RNF111: variants seen among roughly 807,000 people sequenced by gnomAD.
RNF111 encodes the protein E3 ubiquitin-protein ligase Arkadia.
RNF111 carries 17 observed loss-of-function variants against 95.1 expected under a neutral mutation model. The ratio of observed to expected loss-of-function variants is 0.18; its 90% confidence interval spans 0.12 to 0.27. The LOEUF is 0.27. Among genes scored for constraint, RNF111 ranks in the 10% least tolerant of loss-of-function variants. The pLI is 1.00. For synonymous variants in RNF111, 440 were observed against 414.8 expected, an observed-to-expected ratio of 1.06 and a Z score of -0.74; for missense variants, 1,189 against 1,210.4, an observed-to-expected ratio of 0.98 and a Z score of 0.26.
chr15:59,059,622 G>A (rs6494066), intron 5 of RNF111, among the ~76,000 whole-genome samples: 16,134 of 152,120 alleles, frequency 0.11, 1,983 homozygotes, highest in African/African-American at 0.3. Flanking sequence ...CTAAGAAACC[G>A]TTGCCTAATC....
At chr15:59,078,430 C>G (rs12901282) in intron 7 of RNF111, among the ~76,000 whole-genome samples, 1 of 151,886 alleles carries the variant, frequency 6.6e-6, no homozygotes, top group African/African-American at 2.4e-5. Context: ...AGTTCCTGCT[C>G]TTCAGGAGGC....
intron 1 of RNF111, among the ~76,000 whole-genome samples, chr15:58,994,406 T>C (rs1369819448): frequency 6.6e-6 from 1 of 151,940 alleles, no homozygotes; most frequent in African/African-American, 2.4e-5. Context: ...CTGAGAACTC[T>C]TGAATACTCA....
Position 58,996,838 on chromosome 15 carries a change from C to T in RNF111, c.-20+8770C>T, listed in dbSNP as rs368624610. Among the ~76,000 whole-genome samples, 18 of 151,916 alleles carry T rather than the reference C, an allele frequency of 1.2e-4. No homozygotes were observed. The East Asian group carries it at 2.3e-3, about 20-fold the overall frequency. On this transcript the variant is annotated intron_variant, in intron 1 of 13. Coordinates refer to ENST00000348370, the MANE Select transcript of RNF111 (RefSeq NM_017610.8). The stretch of plus-strand genomic sequence containing the variant: ...TTTTCAACCAATTAATATCTGTACA[C>T]GGTTTTAAAAGTCAGTTTCAAAAGA...
chr15:59,038,198 C>G (rs2041275845), intron 2 of RNF111, among the ~76,000 whole-genome samples: 1 of 152,162 alleles, frequency 6.6e-6, no homozygotes, highest in Non-Finnish European at 1.5e-5. Flanking sequence ...GGATCCTCAT[C>G]TGCTTTGTGT....
chr15:59,073,492 A>AAAT (rs1555399560), intron 6 of RNF111, among the ~76,000 whole-genome samples: 46 of 150,520 alleles, frequency 3.1e-4, no homozygotes, highest in East Asian at 7.8e-4. Flanking sequence ...AAAAAAAAAA[A>AAAT]AAATAAATAA....
At chr15:58,998,728 A>C (rs1296628331) in intron 1 of RNF111, among the ~76,000 whole-genome samples, 1 of 152,248 alleles carries the variant, frequency 6.6e-6, no homozygotes, top group African/African-American at 2.4e-5. Flanking sequence ...ACTTTCAAGC[A>C]AAAATTAGAA....
intron 1 of RNF111, chr15:59,004,149 G>T: frequency 1.7e-6 from 2 of 1,208,866 alleles, no homozygotes; most frequent in South Asian, 1.5e-5. Context: ...CCTCATAGAT[G>T]GCAGTTCTGG....
intron 1 of RNF111, among the ~76,000 whole-genome samples, chr15:59,027,607 C>T (rs1326378888): frequency 6.6e-6 from 1 of 151,842 alleles, no homozygotes; most frequent in Non-Finnish European, 1.5e-5. Flanking sequence ...CGGCTCACTG[C>T]AACCTATGTC....
At chr15:59,045,740 A>G (rs2041678301) in intron 2 of RNF111, among the ~76,000 whole-genome samples, 1 of 152,244 alleles carries the variant, frequency 6.6e-6, no homozygotes, top group Admixed American at 6.5e-5. Flanking sequence ...GAGTTAATTA[A>G]CAAGTAACAT....
chr15:58,990,641 G>A (rs1263332075), intron 1 of RNF111, among the ~76,000 whole-genome samples: 5 of 152,282 alleles, frequency 3.3e-5, no homozygotes, highest in South Asian at 2.1e-4. Flanking sequence ...GCGACAGAGC[G>A]AGACTGTTTC....
chr15:59,004,792 T>A (rs2039465631), intron 1 of RNF111, among the ~76,000 whole-genome samples: 1 of 152,190 alleles, frequency 6.6e-6, no homozygotes, highest in African/African-American at 2.4e-5. Context: ...TTGGAATAAA[T>A]CATGTTTTCA....
At chr15:59,094,759 T>A (rs767299553) in intron 13 of RNF111, 24 bp from the exon 14 acceptor site, 1 of 1,362,596 alleles carries the variant, frequency 7.3e-7, no homozygotes, top group East Asian at 2.3e-5. Flanking sequence ...TAATTTTTGC[T>A]TTTTGTTTTC....
chr15:59,012,651 A>G (rs1238869245), intron 1 of RNF111, among the ~76,000 whole-genome samples: 2 of 152,094 alleles, frequency 1.3e-5, no homozygotes, highest in African/African-American at 4.8e-5. Context: ...ATAATTTCTC[A>G]GTGTATACAG....
rs369434767 is a variant in RNF111, at chr15:59,054,043, C to T, written c.1007+1612C>T. Among the ~76,000 whole-genome samples the T allele has an allele frequency of 7.9e-5, 12 of 152,272 alleles. No individual in the cohort carries two copies. The South Asian group carries it at 1.5e-3, about 18-fold the overall frequency. Reference sequence around the variant, plus strand: ...CTCCATCTCCTGGGTTCAAGCAATCCTCCTCCCTCAGCCTTGTGAGTAGCT... The same window carrying T: ...CTCCATCTCCTGGGTTCAAGCAATCTTCCTCCCTCAGCCTTGTGAGTAGCT... On this transcript the variant is annotated intron_variant, in intron 3 of 13. Transcript: ENST00000348370.
intron 6 of RNF111, 76 bp from the exon 7 acceptor site, chr15:59,075,878 A>C (rs2043143806): frequency 1.4e-6 from 2 of 1,467,658 alleles, no homozygotes; most frequent in Admixed American, 2.0e-5. Context: ...TGGTTATATT[A>C]GGAATACTTT....
intron 2 of RNF111, among the ~76,000 whole-genome samples, chr15:59,048,252 G>T (rs1670772836): frequency 6.6e-6 from 1 of 152,190 alleles, no homozygotes; most frequent in South Asian, 2.1e-4. Flanking sequence ...ATATCCATAT[G>T]ATTGGATACT....
chr15:59,084,382 G>C, intron 9 of RNF111, 128 bp downstream of exon 9: 2 of 924,402 alleles, frequency 2.2e-6, no homozygotes, highest in Non-Finnish European at 3.0e-6. Flanking sequence ...GTTTAACTGA[G>C]ACACTGCCTC....
rs1214092883 is a variant in RNF111, at chr15:59,076,177, CCT to C, written c.1918_1919del (p.Ser640IlefsTer109). 6.2e-7 allele frequency: 1 copy of C among 1,613,792 alleles called. No homozygotes were observed. ...CCCCAGCCCCAGCCCCCTCCACAGC[CCT>C]CTCTCTCATCATGTCGACATTACAT... On this transcript the variant is annotated frameshift_variant, in exon 7 of 14. Coordinates refer to ENST00000348370, the MANE Select transcript of RNF111 (RefSeq NM_017610.8). LOFTEE classifies it high-confidence loss of function.
At chr15:59,024,783 T>G (rs1309776811) in intron 1 of RNF111, among the ~76,000 whole-genome samples, 1 of 152,218 alleles carries the variant, frequency 6.6e-6, no homozygotes. Flanking sequence ...CCACAACTTT[T>G]TATCTTCCCC....
Sources: allele counts gnomAD v4.1 joint callset (sites outside exome capture counted in the v4.1 genomes callset), GRCh38; gene constraint gnomAD v4.1.1; transcripts MANE v1.5; gene names NCBI Gene and HGNC (gene_info 2026-07-23, HGNC 2026-07-21).